PTPRD: variants seen among roughly 807,000 people sequenced by gnomAD.
PTPRD encodes the protein receptor-type tyrosine-protein phosphatase delta.
In PTPRD, 34 loss-of-function variants were observed where a neutral mutation model predicts 214.5. The observed-to-expected ratio is 0.16, with a 90% CI of 0.12 to 0.21. The LOEUF (loss-of-function observed/expected upper bound fraction) is 0.21, where lower values mean the gene tolerates loss of function less well. PTPRD is among the 10% of genes least tolerant of loss of function. The pLI, the probability that PTPRD is intolerant of heterozygous loss-of-function variation, is 1.00. For synonymous variants in PTPRD, 1,128 were observed against 845.7 expected (o/e 1.33, Z -5.79); for missense variants, 2,545 against 2,398.7 (o/e 1.06, Z -1.27).
chr9:10,361,212 G>A (rs1251281403), intron 2 of PTPRD, among the ~76,000 whole-genome samples: 2 of 152,166 alleles, frequency 1.3e-5, no homozygotes, highest in Non-Finnish European at 2.9e-5. Context: ...TATATTGTAT[G>A]GCTTAACAGA....
chr9:10,145,234 T>A (rs2119589), intron 3 of PTPRD, among the ~76,000 whole-genome samples: 43,664 of 151,890 alleles, frequency 0.29, 6,286 homozygotes, highest in South Asian at 0.4. Flanking sequence ...AAGCCACATA[T>A]AATTTCAGGC....
chr9:9,578,759 A>T (rs1392675585), intron 7 of PTPRD, among the ~76,000 whole-genome samples: 1 of 152,088 alleles, frequency 6.6e-6, no homozygotes, highest in South Asian at 2.1e-4. Flanking sequence ...CTGAAAGCCA[A>T]CAATTGCCTG....
intron 3 of PTPRD, among the ~76,000 whole-genome samples, chr9:10,291,533 G>T (rs1251488400): frequency 2.6e-5 from 4 of 152,004 alleles, no homozygotes; most frequent in Middle Eastern, 3.2e-3. Flanking sequence ...ATAGAGAGGA[G>T]AATTTAATGT....
chr9:9,061,521 T>C (rs1033446207), intron 10 of PTPRD, among the ~76,000 whole-genome samples: 1 of 152,146 alleles, frequency 6.6e-6, no homozygotes, highest in Non-Finnish European at 1.5e-5. Context: ...TTTGCCCATA[T>C]ATAGCCTGAG....
intron 14 of PTPRD, among the ~76,000 whole-genome samples, chr9:8,538,873 A>T (rs1206505751): frequency 6.6e-6 from 1 of 151,934 alleles, no homozygotes; most frequent in Non-Finnish European, 1.5e-5. Context: ...CTTTCCTTTC[A>T]GAAAGCTTCC....
At chr9:8,451,030 G>A (rs2095921434) in intron 33 of PTPRD, among the ~76,000 whole-genome samples, 1 of 151,964 alleles carries the variant, frequency 6.6e-6, no homozygotes, top group African/African-American at 2.4e-5. Flanking sequence ...GTGGCAATGG[G>A]GTCTCATTCA....
At chr9:10,377,888 T>C (rs1025177967) in intron 2 of PTPRD, among the ~76,000 whole-genome samples, 18 of 152,076 alleles carry the variant, frequency 1.2e-4, no homozygotes, top group Non-Finnish European at 2.4e-4. Flanking sequence ...AGAGATCTCA[T>C]TGATACACTG....
intron 14 of PTPRD, among the ~76,000 whole-genome samples, chr9:8,546,492 T>G (rs2080188059): frequency 6.6e-6 from 1 of 152,038 alleles, no homozygotes; most frequent in African/African-American, 2.4e-5. Flanking sequence ...TTTTTCTTTC[T>G]TTTTTCTTTT....
At chr9:10,094,723 A>G (rs145634377) in intron 3 of PTPRD, among the ~76,000 whole-genome samples, 1 of 151,522 alleles carries the variant, frequency 6.6e-6, no homozygotes, top group African/African-American at 2.4e-5. Context: ...GAAGTAAGGA[A>G]TTAAAATAAT....
At chr9:9,651,826 GTTTTT>G (rs869105633) in intron 7 of PTPRD, among the ~76,000 whole-genome samples, 48 of 55,076 alleles carry the variant, frequency 8.7e-4, no homozygotes, top group African/African-American at 3.6e-3. Flanking sequence ...TTCAAGGTTT[GTTTTT>G]TTTTTTTTTT....
chr9:9,843,715 A>G (rs1178004551), intron 5 of PTPRD, among the ~76,000 whole-genome samples: 2 of 152,026 alleles, frequency 1.3e-5, no homozygotes, highest in African/African-American at 4.8e-5. Flanking sequence ...TTGTATATCT[A>G]GAAAATCAAC....
intron 12 of PTPRD, among the ~76,000 whole-genome samples, chr9:8,725,903 C>G (rs970898836): frequency 2.0e-5 from 3 of 152,046 alleles, no homozygotes; most frequent in Admixed American, 2.0e-4. Flanking sequence ...TGAGAGCATC[C>G]TAAACACTAG....
chr9:8,452,519 T>C (rs1193518039), intron 33 of PTPRD, among the ~76,000 whole-genome samples: 1 of 152,230 alleles, frequency 6.6e-6, no homozygotes. Context: ...TTCAGAGGTC[T>C]CATCATTCTC....
chr9:10,329,723 C>G (rs1178947557), intron 3 of PTPRD, among the ~76,000 whole-genome samples: 1 of 151,812 alleles, frequency 6.6e-6, no homozygotes, highest in East Asian at 1.9e-4. Context: ...AACATGCACA[C>G]AACTTTACTG....
chr9:8,323,419 C>T (rs1830423030), intron 44 of PTPRD, among the ~76,000 whole-genome samples: 1 of 152,096 alleles, frequency 6.6e-6, no homozygotes, highest in African/African-American at 2.4e-5. Context: ...TAGGTCTGGG[C>T]AAAGTAAATT....
At chr9:10,604,541 A>G (rs1176337429) in intron 2 of PTPRD, among the ~76,000 whole-genome samples, 4 of 151,888 alleles carry the variant, frequency 2.6e-5, no homozygotes, top group Non-Finnish European at 4.4e-5. Context: ...TTAATCCCTG[A>G]GACAATTATA....
chr9:8,435,017 A>C (rs2095284388), intron 35 of PTPRD, among the ~76,000 whole-genome samples: 1 of 152,220 alleles, frequency 6.6e-6, no homozygotes, highest in Non-Finnish European at 1.5e-5. Flanking sequence ...TTGGAGCAGA[A>C]TAAAGGAAGA....
chr9:9,043,706 C>A (rs1569497083), intron 10 of PTPRD, among the ~76,000 whole-genome samples: 1 of 151,972 alleles, frequency 6.6e-6, no homozygotes, highest in Non-Finnish European at 1.5e-5. Flanking sequence ...ATGTTTGACA[C>A]CAGCCTTGCC....
At chr9:9,983,687 A>C (rs1464420799) in intron 4 of PTPRD, among the ~76,000 whole-genome samples, 1 of 152,256 alleles carries the variant, frequency 6.6e-6, no homozygotes, top group Non-Finnish European at 1.5e-5. Flanking sequence ...TAAGTTAAAA[A>C]ATAAATAACT....
Sources: gnomAD v4.1 joint callset for allele counts (sites outside exome capture counted in the v4.1 genomes callset) on GRCh38, gnomAD v4.1.1 for gene constraint, MANE v1.5 for transcripts, NCBI Gene and HGNC (gene_info 2026-07-23, HGNC 2026-07-21) for gene names.